Variants in SMURF1 observed in about 807,000 individuals in gnomAD.
SMURF1 encodes SMAD specific E3 ubiquitin protein ligase 1, also known as E3 ubiquitin-protein ligase SMURF1.
A neutral mutation model predicts 98.0 loss-of-function variants in SMURF1; 44 were observed. The observed-to-expected ratio is 0.45, with a 90% CI of 0.35 to 0.58. The LOEUF is 0.58. Among genes scored for constraint, SMURF1 ranks in the 20% least tolerant of loss-of-function variants. The pLI is 0.00. For missense variants in SMURF1, 687 were observed against 938.4 expected, an observed-to-expected ratio of 0.73 and a Z score of 3.50; for synonymous variants, 396 against 374.9, an observed-to-expected ratio of 1.06 and a Z score of -0.65.
chr7:99,142,450 G>A (rs1022490603), intron 1 of SMURF1, among the ~76,000 whole-genome samples: 1 of 151,748 alleles, frequency 6.6e-6, no homozygotes, highest in Non-Finnish European at 1.5e-5. Context: ...GAAGAGGGCT[G>A]GACCAGGGGG....
At chr7:99,045,847 T>C in intron 10 of SMURF1, 46 bp from the exon 11 acceptor site, 2 of 1,476,312 alleles carry the variant, frequency 1.4e-6, no homozygotes, top group Admixed American at 1.7e-5. Flanking sequence ...ATTCTTATTC[T>C]TAAAGTTATG....
intron 1 of SMURF1, among the ~76,000 whole-genome samples, chr7:99,079,081 AC>A (rs1230798597): frequency 6.6e-6 from 1 of 152,218 alleles, no homozygotes; most frequent in Non-Finnish European, 1.5e-5. Context: ...AACTGCCACT[AC>A]AGGAGGTGGG....
At position 99,131,753 on chromosome 7, in the gene SMURF1, T is replaced by A. The variant is rs1474933303; in HGVS notation, c.55+11973A>T. Among the ~76,000 whole-genome samples, 3 of 152,000 alleles carry A rather than the reference T, an allele frequency of 2.0e-5. No individual in the cohort carries two copies. The East Asian group carries it at 5.8e-4, about 29-fold the overall frequency. On this transcript the variant is annotated intron_variant, in intron 1 of 17. Transcript: ENST00000361368. ...AGTGAAGAGGGAGGAAAAGAGGCCCTTTCTGCTACAAAATGCAATCTAGGG... is the reference window on the plus strand; with the variant it reads ...AGTGAAGAGGGAGGAAAAGAGGCCCATTCTGCTACAAAATGCAATCTAGGG...
chr7:99,057,590 G>C (rs1371911083), intron 3 of SMURF1, 39 bp from the exon 4 acceptor site: 4 of 1,410,176 alleles, frequency 2.8e-6, no homozygotes, highest in Non-Finnish European at 2.7e-6. Context: ...AATTGTGTTT[G>C]GTTTTTTTTG....
chr7:99,072,097 T>G (rs922929395), intron 1 of SMURF1, among the ~76,000 whole-genome samples: 2 of 146,710 alleles, frequency 1.4e-5, no homozygotes, highest in Non-Finnish European at 3.0e-5. Context: ...AATAAATAAA[T>G]AAGAAGAAGA....
chr7:99,047,107 G>A (rs989030871), intron 10 of SMURF1, among the ~76,000 whole-genome samples: 1 of 152,244 alleles, frequency 6.6e-6, no homozygotes, highest in Non-Finnish European at 1.5e-5. Context: ...GGCCTGGTCT[G>A]TTTAGGGACC....
At position 99,060,675 on chromosome 7, in the gene SMURF1, C is replaced by A. The variant is rs752900453; in HGVS notation, c.127G>T (p.Asp43Tyr). The A allele has an allele frequency of 1.2e-6, 2 of 1,613,686 alleles. No individual in the cohort carries two copies. The highest frequency in any genetic ancestry group is 8.5e-7 in the Non-Finnish European group (1 of 1,179,850). ...LPDPFAKIVV[D>Y]GSGQCHSTDT... ...GTTGAGTGGCACTGCCCAGACCCAT[C>A]CACGACAATCTTTGCAAAAGGGTCA... Residue 43 changes from aspartate (D) to tyrosine (Y), a missense_variant, in exon 3 of 18, where the codon GAT (aspartate) becomes TAT (tyrosine). This residue lies in a region of SMURF1 where 415 missense variants were observed against 508.4 expected (regional missense o/e 0.82). Transcript: ENST00000361368.
chr7:99,068,408 G>A lies in SMURF1; in HGVS notation c.56-6571C>T, dbSNP rs113609038. 3.9e-3 allele frequency among the ~76,000 whole-genome samples: 595 copies of A among 152,112 alleles called. 2 individuals carry two copies. Among genetic ancestry groups the A allele is most frequent in the African/African-American group, 0.013 (520 of 41,484 alleles). On this transcript the variant is annotated intron_variant, in intron 1 of 17. Coordinates refer to ENST00000361368, the MANE Select transcript of SMURF1 (RefSeq NM_181349.3). ...TGGGCTCAAGTGATCCTCCCACCTC[G>A]GCCTCCTGAGTAGCTGGGACTATAG...
Position 99,066,851 on chromosome 7 carries a change from T to C in SMURF1, c.56-5014A>G, listed in dbSNP as rs139029427. On this transcript the variant is annotated intron_variant, in intron 1 of 17. Transcript: ENST00000361368. ...CTGTAAGGATCATTTCAGGTCATTC[T>C]GAATGTGGTTAAGTTAATGGTATAT... 5.5e-3 allele frequency among the ~76,000 whole-genome samples: 834 copies of C among 151,956 alleles called. 4 individuals are homozygous for C. Among genetic ancestry groups the C allele is most frequent in the Non-Finnish European group, 8.6e-3 (582 of 67,934 alleles).
At chr7:99,129,297 A>T (rs1246593514) in intron 1 of SMURF1, among the ~76,000 whole-genome samples, 1 of 152,256 alleles carries the variant, frequency 6.6e-6, no homozygotes, top group Non-Finnish European at 1.5e-5. Context: ...ATTAGCTAAC[A>T]CATATTGAAC....
intron 1 of SMURF1, among the ~76,000 whole-genome samples, chr7:99,097,643 CTTCTT>C (rs1239935135): frequency 6.6e-6 from 1 of 152,184 alleles, no homozygotes; most frequent in East Asian, 1.9e-4. Flanking sequence ...AAGAAATAAA[CTTCTT>C]TTATTTATAA....
At chr7:99,034,484 C>T (rs1795047180) in intron 16 of SMURF1, among the ~76,000 whole-genome samples, 1 of 152,168 alleles carries the variant, frequency 6.6e-6, no homozygotes, top group African/African-American at 2.4e-5. Context: ...CCTGCCTCCC[C>T]ACTCACACCT....
intron 1 of SMURF1, among the ~76,000 whole-genome samples, chr7:99,099,577 G>A (rs1178477424): frequency 1.3e-5 from 2 of 152,182 alleles, no homozygotes; most frequent in African/African-American, 2.4e-5. Context: ...CAAAACTCAT[G>A]TTAAAATTTG....
At chr7:99,134,335 C>G (rs968301742) in intron 1 of SMURF1, among the ~76,000 whole-genome samples, 1 of 152,046 alleles carries the variant, frequency 6.6e-6, no homozygotes, top group Non-Finnish European at 1.5e-5. Flanking sequence ...ATTTCCTCAC[C>G]AGGCTCAAGT....
intron 12 of SMURF1, among the ~76,000 whole-genome samples, chr7:99,041,705 C>G (rs536627680): frequency 2.0e-5 from 3 of 152,316 alleles, no homozygotes; most frequent in South Asian, 2.1e-4. Flanking sequence ...ATCTCTAAAA[C>G]CAGCACGCTA....
chr7:99,069,970 T>TTGGCTTTGGAGGTGGGAACAG (rs1796281387), intron 1 of SMURF1, among the ~76,000 whole-genome samples: 1 of 152,234 alleles, frequency 6.6e-6, no homozygotes, highest in Admixed American at 6.5e-5. Context: ...GCCATGCCTA[T>TTGGCTTTGGAGGTGGGAACAG]TGGCTTTGGA....
intron 13 of SMURF1, among the ~76,000 whole-genome samples, chr7:99,039,448 C>A (rs1162704788): frequency 6.6e-6 from 1 of 151,884 alleles, no homozygotes; most frequent in African/African-American, 2.4e-5. Context: ...TGGGTTGAAG[C>A]AATTTTCCTG....
intron 1 of SMURF1, among the ~76,000 whole-genome samples, chr7:99,142,896 G>C (rs1798162123): frequency 6.6e-6 from 1 of 150,470 alleles, no homozygotes; most frequent in African/African-American, 2.5e-5. Flanking sequence ...CGAGGGGGCA[G>C]GTGGGCGGAG....
chr7:99,096,453 C>T (rs1392088300), intron 1 of SMURF1, among the ~76,000 whole-genome samples: 2 of 152,016 alleles, frequency 1.3e-5, no homozygotes, highest in Non-Finnish European at 2.9e-5. Context: ...AAAGAACCAG[C>T]GAAATTGCAA....
Sources: allele counts gnomAD v4.1 joint callset (sites outside exome capture counted in the v4.1 genomes callset), GRCh38; gene constraint gnomAD v4.1.1; regional missense constraint gnomAD v4.1.1; transcripts MANE v1.5; gene names NCBI Gene and HGNC (gene_info 2026-07-23, HGNC 2026-07-21).